TMED3: variants seen among roughly 807,000 people sequenced by gnomAD.
TMED3 encodes the protein transmembrane emp24 domain-containing protein 3.
A neutral mutation model predicts 15.0 loss-of-function variants in TMED3; 9 were observed. That is an observed-to-expected ratio of 0.60 (90% CI 0.36 to 1.04). The LOEUF (loss-of-function observed/expected upper bound fraction) is 1.04, where lower values mean the gene tolerates loss of function less well. Ranked by LOEUF, TMED3 falls within the 50% of genes least tolerant of loss-of-function variation. The pLI, the probability that TMED3 is intolerant of heterozygous loss-of-function variation, is 0.01. For synonymous variants in TMED3, 117 were observed against 121.4 expected, an observed-to-expected ratio of 0.96 and a Z score of 0.24; for missense variants, 267 against 278.9, an observed-to-expected ratio of 0.96 and a Z score of 0.30.
intron 2 of TMED3, among the ~76,000 whole-genome samples, chr15:79,354,888 A>T (rs758988402): frequency 5.9e-5 from 9 of 152,000 alleles, no homozygotes; most frequent in Non-Finnish European, 1.3e-4. Context: ...TGGGGTGAAG[A>T]TGTTGGGGTG....
At chr15:79,346,415 A>T (rs1411098163) in intron 2 of TMED3, among the ~76,000 whole-genome samples, 3 of 152,152 alleles carry the variant, frequency 2.0e-5, no homozygotes, top group African/African-American at 7.2e-5. Flanking sequence ...GATAGTGAAT[A>T]AGTCTCACAA....
At chr15:79,403,916 G>T (rs530064562) in intron 2 of TMED3, among the ~76,000 whole-genome samples, 1 of 152,220 alleles carries the variant, frequency 6.6e-6, no homozygotes, top group African/African-American at 2.4e-5. Context: ...CATGACCCTT[G>T]GTTCATTGTA....
At chr15:79,321,877 A>T in intron 2 of TMED3, 101 bp from the exon 3 acceptor site, 2 of 1,371,316 alleles carry the variant, frequency 1.5e-6, no homozygotes. Context: ...GTTAGCATTC[A>T]GTGGATATCA....
In TMED3 at chr15:79,322,239, C is replaced by T; in HGVS notation, c.*25C>T. The T allele has an allele frequency of 1.3e-6, 2 of 1,599,488 alleles. No individual in the cohort carries two copies. The highest frequency in any genetic ancestry group is 1.7e-6 in the Non-Finnish European group (2 of 1,171,366). On this transcript the variant is annotated 3_prime_UTR_variant, in exon 3 of 3. Coordinates refer to ENST00000299705, the MANE Select transcript of TMED3 (RefSeq NM_007364.4). ...GCCCCGGCATCCTGCTCTAGGGCCC[C>T]TCATGCCCCAGGCTGGAGCAGCTCT...
chr15:79,326,197 G>T (rs1319916586), downstream of TMED3, among the ~76,000 whole-genome samples: 7 of 152,208 alleles, frequency 4.6e-5, no homozygotes. Context: ...TTGTAAAACA[G>T]CTCGAAGACA....
chr15:79,388,372 C>G (rs953284328), intron 2 of TMED3, among the ~76,000 whole-genome samples: 4 of 151,338 alleles, frequency 2.6e-5, no homozygotes, highest in African/African-American at 9.7e-5. Flanking sequence ...TTGAGATGAT[C>G]ATATTATCAT....
At chr15:79,376,642 C>T (rs1893431815) in intron 2 of TMED3, among the ~76,000 whole-genome samples, 1 of 152,160 alleles carries the variant, frequency 6.6e-6, no homozygotes, top group African/African-American at 2.4e-5. Flanking sequence ...GTTCTGGAAC[C>T]TAGGCTTTCA....
intron 2 of TMED3, among the ~76,000 whole-genome samples, chr15:79,317,445 C>T (rs1457430204): frequency 6.6e-6 from 1 of 152,144 alleles, no homozygotes; most frequent in African/African-American, 2.4e-5. Context: ...CCAAGGAGTC[C>T]CCAGTCAAGT....
chr15:79,372,746 G>A lies in TMED3; in HGVS notation c.418-38654G>A, dbSNP rs993220287. On this transcript the variant is annotated intron_variant, in intron 2 of 2. Coordinates refer to the TMED3 transcript ENST00000424155. ...GATTATGGGAGCTACAATTCCTGATGGGATTTCAGTGAGGACACAGCCAAA... is the reference window on the plus strand; with the variant it reads ...GATTATGGGAGCTACAATTCCTGATAGGATTTCAGTGAGGACACAGCCAAA... Among the ~76,000 whole-genome samples the A allele has an allele frequency of 3.3e-5, 5 of 152,188 alleles. No individual in the cohort carries two copies. The South Asian group carries it at 1.0e-3, about 32-fold the overall frequency.
downstream of TMED3, chr15:79,322,876 G>A: frequency 4.1e-6 from 4 of 985,512 alleles, no homozygotes; most frequent in Non-Finnish European, 4.8e-6. Context: ...TGCCCTAAAG[G>A]ACTCCAGAGC....
At chr15:79,406,626 G>A (rs1893907013) in intron 2 of TMED3, among the ~76,000 whole-genome samples, 1 of 152,220 alleles carries the variant, frequency 6.6e-6, no homozygotes, top group Non-Finnish European at 1.5e-5. Context: ...TCCTGGGTCT[G>A]TGAACTGACT....
chr15:79,381,233 G>A (rs1035930907), intron 2 of TMED3, among the ~76,000 whole-genome samples: 2 of 152,060 alleles, frequency 1.3e-5, no homozygotes, highest in African/African-American at 4.8e-5. Flanking sequence ...AGTTGTTGGT[G>A]GGCTCTAAGG....
Position 79,336,189 on chromosome 15 carries a change from C to A in TMED3, c.417+22184C>A, listed in dbSNP as rs149276743. Among the ~76,000 whole-genome samples, 590 of 152,262 alleles carry A rather than the reference C, an allele frequency of 3.9e-3. 2 individuals carry two copies. Among genetic ancestry groups the A allele is most frequent in the African/African-American group, 0.014 (574 of 41,548 alleles). On this transcript the variant is annotated intron_variant, in intron 2 of 2. Transcript: ENST00000424155. Reference sequence around the variant, plus strand: ...TGGAGTCTGGAGCTACAGATTCACTCCTTTCTTATTCTGGTGCCACGGAGG... The same window carrying A: ...TGGAGTCTGGAGCTACAGATTCACTACTTTCTTATTCTGGTGCCACGGAGG...
At chr15:79,334,079 G>A (rs2058819116) in intron 2 of TMED3, among the ~76,000 whole-genome samples, 1 of 152,096 alleles carries the variant, frequency 6.6e-6, no homozygotes, top group Non-Finnish European at 1.5e-5. Context: ...AATAGCTTAA[G>A]AGTAACTGTT....
chr15:79,365,062 C>A (rs1363487500), intron 2 of TMED3, among the ~76,000 whole-genome samples: 1 of 152,268 alleles, frequency 6.6e-6, no homozygotes, highest in Non-Finnish European at 1.5e-5. Context: ...CCTCTGCATG[C>A]TCCCTCTCCC....
chr15:79,330,770 A>C (rs150202871), intron 2 of TMED3, among the ~76,000 whole-genome samples: 1 of 152,342 alleles, frequency 6.6e-6, no homozygotes, highest in East Asian at 1.9e-4. Context: ...TCACACTTCC[A>C]GACCTCAAAG....
intron 2 of TMED3, among the ~76,000 whole-genome samples, chr15:79,386,363 C>T (rs1475694911): frequency 6.6e-6 from 1 of 152,134 alleles, no homozygotes; most frequent in East Asian, 1.9e-4. Flanking sequence ...TCAGAGCACT[C>T]TCCTCATCTC....
At chr15:79,334,702 A>G (rs1359870854) in intron 2 of TMED3, among the ~76,000 whole-genome samples, 1 of 152,192 alleles carries the variant, frequency 6.6e-6, no homozygotes, top group Admixed American at 6.5e-5. Context: ...AAAGTAACAA[A>G]TAGAAGGCAC....
At chr15:79,377,151 G>A (rs2141247628) in intron 2 of TMED3, among the ~76,000 whole-genome samples, 1 of 152,272 alleles carries the variant, frequency 6.6e-6, no homozygotes, top group Non-Finnish European at 1.5e-5. Context: ...TTTAGGTTGA[G>A]CCATTTTCTT....
Sources: gnomAD v4.1 joint callset for allele counts (sites outside exome capture counted in the v4.1 genomes callset) on GRCh38, gnomAD v4.1.1 for gene constraint, MANE v1.5 for transcripts, NCBI Gene and HGNC (gene_info 2026-07-23, HGNC 2026-07-21) for gene names.